The following ZAP70 variants were observed in gnomAD, a reference collection of about 807,000 sequenced individuals.
ZAP70 encodes the protein zeta chain of T cell receptor associated protein kinase 70, also known as tyrosine-protein kinase ZAP-70.
Under a neutral mutation model 65.8 loss-of-function variants are expected in ZAP70, and 27 were observed. The ratio of observed to expected loss-of-function variants is 0.41; its 90% CI spans 0.30 to 0.57. ZAP70 has a LOEUF of 0.57. Ranked by LOEUF, ZAP70 falls within the 20% of genes least tolerant of loss-of-function variation. The probability of loss-of-function intolerance (pLI) is 0.28; values close to 1 mark genes in which losing one functional copy is unlikely to be tolerated. For synonymous variants in ZAP70, 363 were observed against 360.8 expected (o/e 1.01, Z -0.07); for missense variants, 696 against 870.5 (o/e 0.80, Z 2.52).
the ZAP70 span, among the ~76,000 whole-genome samples, chr2:97,746,320 A>ATTAAATATGTTTTACTACAATT: frequency 6.6e-6 from 1 of 152,214 alleles, no homozygotes; most frequent in Non-Finnish European, 1.5e-5. Flanking sequence ...GACAAATATT[A>ATTAAATATGTTTTACTACAATT]TTAAATATGT....
Position 97,735,406 on chromosome 2 carries a change from C to G in ZAP70, c.1239C>G (p.Val413=). 6.2e-7 allele frequency: 1 copy of G among 1,613,926 alleles called. No homozygotes were observed. The highest frequency in any genetic ancestry group is 8.5e-7 in the Non-Finnish European group (1 of 1,179,882). ...GCCAGGCCGAGGCCCTCATGCTGGT[C>G]ATGGAGATGGCTGGGGGCGGGCCGC... ...GVCQAEALML[V]MEMAGGGPLH... Residue 413 remains valine (V), a synonymous_variant, in exon 10 of 14, where the codon GTC becomes GTG. Coordinates refer to ENST00000264972, the MANE Select transcript of ZAP70 (RefSeq NM_001079.4).
In ZAP70 at chr2:97,724,384, C is replaced by T. The variant is rs1273601588; in HGVS notation, c.348C>T (p.Asp116=). 1.9e-6 allele frequency: 3 copies of T among 1,539,808 alleles called. No individual in the cohort carries two copies. The highest frequency in any genetic ancestry group is 1.2e-5 in the South Asian group (1 of 81,220). ...TCGAGCCGCAGCCGGGGGTCTTCGA[C>T]TGCCTGCGAGACGCCATGGTGCGTG... ...SGLEPQPGVF[D]CLRDAMVRDY... The change falls in exon 3 of 14, where the codon GAC becomes GAT. Residue 116 remains aspartate, a synonymous_variant. Coordinates refer to ENST00000264972, the MANE Select transcript of ZAP70 (RefSeq NM_001079.4).
At chr2:97,727,157 T>C (rs2104670803) in intron 4 of ZAP70, among the ~76,000 whole-genome samples, 1 of 152,362 alleles carries the variant, frequency 6.6e-6, no homozygotes, top group South Asian at 2.1e-4. Flanking sequence ...AGCCTTTGTT[T>C]GTGTAATGTC....
chr2:97,738,658 C>T (rs1678011533), intron 13 of ZAP70: 1 of 200,444 alleles, frequency 5.0e-6, no homozygotes, highest in African/African-American at 2.3e-5. Flanking sequence ...CAAGCGGACG[C>T]CCTAGACTGC....
intron 8 of ZAP70, chr2:97,733,959 A>G: frequency 2.7e-6 from 1 of 372,942 alleles, no homozygotes; most frequent in Non-Finnish European, 5.0e-6. Flanking sequence ...TTTACAGATG[A>G]GAGAGGGAGG....
At chr2:97,753,136 A>G in the ZAP70 span, among the ~76,000 whole-genome samples, 1 of 152,232 alleles carries the variant, frequency 6.6e-6, no homozygotes, top group African/African-American at 2.4e-5. Flanking sequence ...GAGTCATGCA[A>G]CAGGCACCTA....
the ZAP70 span, among the ~76,000 whole-genome samples, chr2:97,747,439 T>C: frequency 1.3e-5 from 2 of 152,212 alleles, no homozygotes; most frequent in Non-Finnish European, 2.9e-5. Context: ...TCAAAGACTT[T>C]ACCGAGGTGA....
At chr2:97,721,836 A>T (rs1428605175) in intron 2 of ZAP70, among the ~76,000 whole-genome samples, 1 of 149,984 alleles carries the variant, frequency 6.7e-6, no homozygotes, top group African/African-American at 2.5e-5. Flanking sequence ...GCTGGAGTGC[A>T]GTGGCAGTGG....
chr2:97,735,956 C>T (rs769544451), intron 10 of ZAP70, among the ~76,000 whole-genome samples: 3 of 152,046 alleles, frequency 2.0e-5, no homozygotes, highest in Non-Finnish European at 4.4e-5. Context: ...TGCAGTGAGC[C>T]GAGATTGTGC....
intron 2 of ZAP70, among the ~76,000 whole-genome samples, chr2:97,721,580 A>ATTTTTTTTTTGTT (rs1677157011): frequency 2.5e-5 from 2 of 81,164 alleles, no homozygotes; most frequent in African/African-American, 4.6e-5. Flanking sequence ...TGGCTGGCTG[A>ATTTTTTTTTTGTT]TTTTTTTTTT....
the ZAP70 span, among the ~76,000 whole-genome samples, chr2:97,750,275 G>C: frequency 2.6e-5 from 4 of 152,222 alleles, no homozygotes; most frequent in Admixed American, 2.6e-4. Flanking sequence ...GCTCCCTGCA[G>C]CAAGGGGGAC....
At chr2:97,755,223 C>T in the ZAP70 span, among the ~76,000 whole-genome samples, 130 of 152,050 alleles carry the variant, frequency 8.5e-4, no homozygotes, top group Non-Finnish European at 1.4e-3. Context: ...TCTGTGTGAA[C>T]TCAACAGGGA....
In ZAP70 at chr2:97,731,542, G is replaced by A. The variant is rs75112135; in HGVS notation, c.564-1341G>A. Reference sequence around the variant, plus strand: ...TCTCCAGACTGTTGTGGGCTAGCCTGGGAACTGCCCCACCCTTCACTGCAC... The same window carrying A: ...TCTCCAGACTGTTGTGGGCTAGCCTAGGAACTGCCCCACCCTTCACTGCAC... On this transcript the variant is annotated intron_variant, in intron 4 of 13. Transcript: ENST00000264972. The surrounding 1 kb of genome is among the most constrained non-coding windows in gnomAD (Gnocchi z 4.0). Among the ~76,000 whole-genome samples the A allele has an allele frequency of 1.1e-4, 17 of 152,126 alleles. No homozygotes were observed. Among genetic ancestry groups the A allele is most frequent in the African/African-American group, 4.1e-4 (17 of 41,402 alleles).
Position 97,739,549 on chromosome 2 carries a change from C to G in ZAP70, c.*51C>G. The G allele has an allele frequency of 6.3e-7, 1 of 1,591,282 alleles. No individual in the cohort carries two copies. The highest frequency in any genetic ancestry group is 8.5e-7 in the Non-Finnish European group (1 of 1,169,758). The stretch of plus-strand genomic sequence containing the variant: ...CACGCCGGCTCTTCCCCACCCTCAG[C>G]CCCACCCCAGGTCCTGCAGTCTGGC... On this transcript the variant is annotated 3_prime_UTR_variant, in exon 14 of 14. Coordinates refer to ENST00000264972, the MANE Select transcript of ZAP70 (RefSeq NM_001079.4).
chr2:97,724,511 A>C, intron 3 of ZAP70, 73 bp downstream of exon 3: 9 of 1,510,506 alleles, frequency 6.0e-6, no homozygotes, highest in Non-Finnish European at 8.0e-6. Context: ...TTTTGGGGGG[A>C]TAGGAGGGAG....
At chr2:97,714,872 C>T (rs761498370) in intron 2 of ZAP70, among the ~76,000 whole-genome samples, 3 of 152,112 alleles carry the variant, frequency 2.0e-5, no homozygotes, top group Admixed American at 6.5e-5. Context: ...GGCAGTGTTG[C>T]GGGGGTGGTG....
At chr2:97,748,102 T>G in the ZAP70 span, among the ~76,000 whole-genome samples, 1 of 152,178 alleles carries the variant, frequency 6.6e-6, no homozygotes, top group Non-Finnish European at 1.5e-5. Flanking sequence ...GGCATGTGGC[T>G]TCTCTGCCTG....
intron 4 of ZAP70, among the ~76,000 whole-genome samples, chr2:97,729,043 G>A (rs1045977097): frequency 6.6e-6 from 1 of 152,164 alleles, no homozygotes; most frequent in African/African-American, 2.4e-5. Flanking sequence ...GTGAGCCACC[G>A]CGCCTGGCCT....
At chr2:97,754,263 C>T in the ZAP70 span, among the ~76,000 whole-genome samples, 2 of 152,076 alleles carry the variant, frequency 1.3e-5, no homozygotes, top group East Asian at 3.9e-4. Flanking sequence ...AGCCTGCTGG[C>T]GAGGCTCATG....
Sources: allele counts gnomAD v4.1 joint callset (sites outside exome capture counted in the v4.1 genomes callset), GRCh38; gene constraint gnomAD v4.1.1; non-coding constraint Gnocchi (gnomAD v3.1); transcripts MANE v1.5; gene names NCBI Gene and HGNC (gene_info 2026-07-23, HGNC 2026-07-21).